TRPC7: variants seen among roughly 807,000 people sequenced by gnomAD.
TRPC7 encodes transient receptor potential cation channel subfamily C member 7, also known as short transient receptor potential channel 7.
Under a neutral mutation model 90.1 loss-of-function variants are expected in TRPC7, and 42 were observed. That is an observed-to-expected ratio of 0.47 (90% CI 0.36 to 0.60). The LOEUF (loss-of-function observed/expected upper bound fraction) is 0.60. TRPC7 is among the 20% of genes least tolerant of loss of function. The probability of loss-of-function intolerance (pLI) is 0.00; values close to 1 mark genes in which losing one functional copy is unlikely to be tolerated. For synonymous variants in TRPC7, 451 were observed against 436.3 expected (o/e 1.03, Z -0.42); for missense variants, 955 against 1,112.3 (o/e 0.86, Z 2.01).
intron 10 of TRPC7, among the ~76,000 whole-genome samples, chr5:136,219,151 C>A (rs1042964730): frequency 1.3e-5 from 2 of 152,138 alleles, no homozygotes; most frequent in Non-Finnish European, 2.9e-5. Context: ...GGCTGGGTGA[C>A]ATCATACAAT....
intron 2 of TRPC7, among the ~76,000 whole-genome samples, chr5:136,337,658 T>C (rs1580971101): frequency 2.5e-5 from 3 of 118,844 alleles, no homozygotes; most frequent in African/African-American, 6.2e-5. Context: ...AGAGGGAGAC[T>C]CCATCAAAAA....
At chr5:136,326,790 G>T (rs1235705521) in intron 2 of TRPC7, among the ~76,000 whole-genome samples, 1 of 152,204 alleles carries the variant, frequency 6.6e-6, no homozygotes, top group African/African-American at 2.4e-5. Flanking sequence ...CAAGAGAGGG[G>T]CAGAGGAGCT....
Position 136,365,363 on chromosome 5 carries a change from G to A in TRPC7, c.-109C>T. The A allele has an allele frequency of 8.6e-7, 1 of 1,157,258 alleles. No individual in the cohort carries two copies. The allele number at this position is 1,157,258 out of a possible 1,614,324, so 71.7% of individuals were successfully genotyped here. ...GGTAGCCAAGGATGTACCGCTCTCC[G>A]TGGTGCTGAAGTATAGAGCTGGTCA... On this transcript the variant is annotated 5_prime_UTR_variant, in exon 1 of 12. In the 5' UTR this introduces an upstream ATG that the reference lacks. Coordinates refer to ENST00000513104, the MANE Select transcript of TRPC7 (RefSeq NM_020389.3).
intron 3 of TRPC7, among the ~76,000 whole-genome samples, chr5:136,313,457 G>C (rs1288150414): frequency 2.6e-5 from 4 of 152,090 alleles, no homozygotes; most frequent in Non-Finnish European, 5.9e-5. Context: ...ATTTAAGTAG[G>C]TCTTGCTGCT....
intron 6 of TRPC7, among the ~76,000 whole-genome samples, chr5:136,248,161 C>T (rs1756405479): frequency 6.6e-6 from 1 of 152,194 alleles, no homozygotes; most frequent in African/African-American, 2.4e-5. Context: ...CAGGAGCTGT[C>T]CCACTCACTG....
chr5:136,303,713 G>C (rs1005163487), intron 3 of TRPC7: 1 of 151,918 alleles, frequency 6.6e-6, no homozygotes, highest in Non-Finnish European at 1.5e-5. Flanking sequence ...GCCACTTCCA[G>C]AGCCCCTGGA....
intron 8 of TRPC7, among the ~76,000 whole-genome samples, chr5:136,230,110 A>T (rs949203036): frequency 6.6e-5 from 10 of 152,262 alleles, no homozygotes; most frequent in African/African-American, 2.4e-4. Context: ...GTTTATTTAA[A>T]CATTCTCATA....
At chr5:136,320,166 A>T (rs939462503) in intron 2 of TRPC7, among the ~76,000 whole-genome samples, 27 of 152,188 alleles carry the variant, frequency 1.8e-4, no homozygotes, top group African/African-American at 6.5e-4. Context: ...GACAAAAAAA[A>T]AAAATCTTGA....
intron 1 of TRPC7, among the ~76,000 whole-genome samples, chr5:136,359,155 T>A (rs1760481913): frequency 6.6e-6 from 1 of 152,238 alleles, no homozygotes; most frequent in South Asian, 2.1e-4. Flanking sequence ...TTTCTGCTCA[T>A]TGTACCTTTC....
rs141613197 is a variant in TRPC7 at position 136,247,026 on chromosome 5, TACC to T, written c.1844+442_1844+444del. Among the ~76,000 whole-genome samples the T allele has an allele frequency of 0.031, 4,689 of 152,278 alleles. 228 individuals are homozygous for T. Among genetic ancestry groups the T allele is most frequent in the African/African-American group, 0.1 (4,145 of 41,538 alleles). On this transcript the variant is annotated intron_variant, in intron 7 of 11. Coordinates refer to ENST00000513104, the MANE Select transcript of TRPC7 (RefSeq NM_020389.3). This position sits in a 1 kb window ranked among gnomAD's most constrained non-coding sequence, Gnocchi z 4.2. ...CAGTCCTAACTTTACCCCCAAAGTTTACCACCACAAAATATCTCGCTTTTATTA... is the reference window on the plus strand; with the variant it reads ...CAGTCCTAACTTTACCCCCAAAGTTTACCACAAAATATCTCGCTTTTATTA...
chr5:136,349,096 C>T (rs1416559402), intron 2 of TRPC7, among the ~76,000 whole-genome samples: 1 of 151,102 alleles, frequency 6.6e-6, no homozygotes, highest in African/African-American at 2.4e-5. Flanking sequence ...AAAAAATAAT[C>T]TCTGTATTTG....
At chr5:136,365,138 G>A (rs1040238153) in intron 1 of TRPC7, 115 bp downstream of exon 1, 19 of 1,165,338 alleles carry the variant, frequency 1.6e-5, no homozygotes, top group East Asian at 2.6e-5. Flanking sequence ...AAAAATCTAA[G>A]CAGTGCACTA....
intron 1 of TRPC7, among the ~76,000 whole-genome samples, chr5:136,362,315 TA>T (rs1760591746): frequency 6.6e-6 from 1 of 152,186 alleles, no homozygotes; most frequent in Admixed American, 6.5e-5. Context: ...CATTGTCATT[TA>T]TATTTATTTA....
At chr5:136,240,385 A>G (rs914104776) in intron 7 of TRPC7, among the ~76,000 whole-genome samples, 3 of 152,198 alleles carry the variant, frequency 2.0e-5, no homozygotes, top group African/African-American at 7.2e-5. Flanking sequence ...TAGGAACAGA[A>G]TTGTCTTATT....
chr5:136,216,311 T>C, intron 10 of TRPC7, 36 bp from the exon 11 acceptor site: 3 of 1,567,354 alleles, frequency 1.9e-6, no homozygotes, highest in South Asian at 1.1e-5. Context: ...CAGACAGGGC[T>C]GGCCTAATGC....
intron 9 of TRPC7, 86 bp from the exon 10 acceptor site, chr5:136,225,440 A>G: frequency 3.7e-6 from 5 of 1,340,642 alleles, no homozygotes; most frequent in Middle Eastern, 1.8e-4. Context: ...AACAGTATCC[A>G]TATACGGGGC....
At chr5:136,302,430 AG>A (rs1218618331) in intron 3 of TRPC7, among the ~76,000 whole-genome samples, 1 of 152,150 alleles carries the variant, frequency 6.6e-6, no homozygotes, top group African/African-American at 2.4e-5. Flanking sequence ...CTAGGGGACA[AG>A]AACCCCCAAT....
Position 136,251,737 on chromosome 5 carries a change from C to T in TRPC7, c.1491G>A (p.Thr497=), listed in dbSNP as rs1272174809. ...GCTGGTCCACGTACAGCTGTGCCTC[C>T]GTGGCCTTCAGGAAGGCCATGAAGC... ...TARFMAFLKA[T]EAQLYVDQHV... Residue 497 remains threonine, a synonymous_variant, in exon 6 of 12, where the codon ACG becomes ACA. Transcript: ENST00000513104. 9.9e-6 allele frequency: 16 copies of T among 1,613,934 alleles called. No individual in the cohort carries two copies. Among genetic ancestry groups the T allele is most frequent in the East Asian group, 8.9e-5 (4 of 44,862 alleles).
At chr5:136,308,355 GTT>G (rs1412605355) in intron 3 of TRPC7, among the ~76,000 whole-genome samples, 1 of 152,230 alleles carries the variant, frequency 6.6e-6, no homozygotes, top group African/African-American at 2.4e-5. Context: ...TTCCAACAGT[GTT>G]TGCCAACTAC....
Sources: allele counts gnomAD v4.1 joint callset (sites outside exome capture counted in the v4.1 genomes callset), GRCh38; gene constraint gnomAD v4.1.1; non-coding constraint Gnocchi (gnomAD v3.1); transcripts MANE v1.5; gene names NCBI Gene and HGNC (gene_info 2026-07-23, HGNC 2026-07-21).